The following LUC7L variants were observed in gnomAD, a reference collection of about 807,000 sequenced individuals.
LUC7L encodes the protein LUC7 like.
A neutral mutation model predicts 51.1 loss-of-function variants in LUC7L; 29 were observed. The ratio of observed to expected loss-of-function variants is 0.57; its 90% CI spans 0.42 to 0.77. The LOEUF (loss-of-function observed/expected upper bound fraction) is 0.77, where lower values mean the gene tolerates loss of function less well. Among genes scored for constraint, LUC7L ranks in the 30% least tolerant of loss-of-function variants. The pLI is 0.00. For synonymous variants in LUC7L, 181 were observed against 180.7 expected (o/e 1.00, Z -0.01); for missense variants, 403 against 511.9 (o/e 0.79, Z 2.05).
Position 223,135 on chromosome 16 carries a change from G to A in LUC7L, c.157-2388C>T, listed in dbSNP as rs369423563. Among the ~76,000 whole-genome samples the A allele has an allele frequency of 8.8e-3, 1,333 of 151,034 alleles. 17 individuals carry two copies. The highest frequency in any genetic ancestry group is 0.025 in the African/African-American group (1,039 of 41,216). On this transcript the variant is annotated intron_variant, in intron 2 of 9. Transcript: ENST00000293872. ...AGCACTTTGGGAGGCCGAGGCGGGC[G>A]GATCACGAGGTCAGGAGATCAAGAC...
chr16:218,924 C>CAAA lies in LUC7L; in HGVS notation c.255+1722_255+1724dup, dbSNP rs33981903. 5.1e-4 allele frequency among the ~76,000 whole-genome samples: 20 copies of CAAA among 38,842 alleles called. 2 individuals are homozygous for CAAA. In the South Asian group the frequency reaches 0.016, roughly 32 times the overall value. The allele number at this position is 38,842 out of a possible 152,430, so 25.5% of individuals were successfully genotyped here. ...TGGGCAACATAGTAAAACCCTGTCT[C>CAAA]AAAAAAAAAAAAAAAAAAAAAAAAA... is the stretch of plus-strand genomic sequence containing the variant. On this transcript the variant is annotated intron_variant, in intron 3 of 9. Coordinates refer to ENST00000293872, the MANE Select transcript of LUC7L (RefSeq NM_201412.3).
chr16:228,964 A>T, intron 1 of LUC7L: 1 of 1,420,942 alleles, frequency 7.0e-7, no homozygotes, highest in Non-Finnish European at 9.3e-7. Flanking sequence ...CCCTCCGCCG[A>T]CTCCACAGTT....
intron 5 of LUC7L, among the ~76,000 whole-genome samples, chr16:200,259 A>G (rs996805177): frequency 2.0e-5 from 3 of 151,834 alleles, no homozygotes; most frequent in Admixed American, 2.0e-4. Context: ...CGTCTCTACT[A>G]AAAAAACAGA....
At chr16:217,850 C>T (rs1428554906) in intron 3 of LUC7L, among the ~76,000 whole-genome samples, 1 of 151,760 alleles carries the variant, frequency 6.6e-6, no homozygotes, top group Non-Finnish European at 1.5e-5. Flanking sequence ...ACCAGCCTGA[C>T]CAAAATGGTG....
chr16:216,317 T>A (rs1265227442), intron 3 of LUC7L, among the ~76,000 whole-genome samples: 1 of 151,530 alleles, frequency 6.6e-6, no homozygotes, highest in Non-Finnish European at 1.5e-5. Flanking sequence ...TTACTCTAAT[T>A]CTTTGAGTGA....
chr16:222,710 A>AACC (rs2050007791), intron 2 of LUC7L, among the ~76,000 whole-genome samples: 1 of 150,242 alleles, frequency 6.7e-6, no homozygotes, highest in African/African-American at 2.5e-5. Flanking sequence ...GGCTCACCGC[A>AACC]ACCTCCGCCT....
intron 3 of LUC7L, among the ~76,000 whole-genome samples, chr16:215,520 T>G (rs2142095374): frequency 6.6e-6 from 1 of 151,222 alleles, no homozygotes; most frequent in African/African-American, 2.4e-5. Flanking sequence ...CTTGGGAGGC[T>G]GAGGTAGGAG....
chr16:208,063 G>C lies in LUC7L; in HGVS notation c.366+15C>G, dbSNP rs1488400297. 6.3e-7 allele frequency: 1 copy of C among 1,576,050 alleles called. No homozygotes were observed. The highest frequency in any genetic ancestry group is 1.9e-5 in the Admixed American group (1 of 52,290). ...TTTTAAGAACACACCAGACACCGAA[G>C]CCACCCAAGCATACCTTTGCAGAAA... is the stretch of plus-strand genomic sequence containing the variant. On this transcript the variant is annotated intron_variant, in intron 4 of 9. Coordinates refer to ENST00000293872, the MANE Select transcript of LUC7L (RefSeq NM_201412.3).
intron 4 of LUC7L, 41 bp from the exon 5 acceptor site, chr16:206,188 G>A (rs771652564): frequency 1.4e-5 from 23 of 1,589,066 alleles, no homozygotes; most frequent in Non-Finnish European, 2.0e-5. Context: ...ATCTGAAAAT[G>A]AAAGTGAATG....
At chr16:208,644 G>A (rs2049552577) in intron 3 of LUC7L, 1 of 988,322 alleles carries the variant, frequency 1.0e-6, no homozygotes, top group South Asian at 4.6e-5. Context: ...CATGTTCTGA[G>A]GGTAGGGTCC....
intron 1 of LUC7L, chr16:227,772 A>C: frequency 1.0e-6 from 1 of 1,001,606 alleles, no homozygotes; most frequent in Non-Finnish European, 1.2e-6. Context: ...ATGCAGAGGC[A>C]GTATTTTGCC....
At chr16:217,165 C>G (rs1242522325) in intron 3 of LUC7L, among the ~76,000 whole-genome samples, 3 of 152,004 alleles carry the variant, frequency 2.0e-5, no homozygotes, top group Non-Finnish European at 2.9e-5. Context: ...TAGAGGACAG[C>G]ACCACCATGC....
Position 189,206 on chromosome 16 carries a change from C to T in LUC7L, c.1108G>A (p.Glu370Lys), listed in dbSNP as rs769066587. Residue 370 changes from glutamate (E) to lysine (K), a missense_variant, in exon 10 of 10, where the codon GAG becomes AAG. This residue lies in a region of LUC7L where 206 missense variants were observed against 218.3 expected (regional missense o/e 0.94). Transcript: ENST00000293872. ...GCACCCGGGAGACGGGTTCAGATCT[C>T]GCCGGCCTCCTTCTCTTCTGACCTC... Reference protein sequence around the residue: ...SRRSEEKEAGEI With the variant: ...SRRSEEKEAGKI 24 of 1,613,302 alleles carry T rather than the reference C, an allele frequency of 1.5e-5. No homozygotes were observed. Among genetic ancestry groups the T allele is most frequent in the Middle Eastern group, 1.7e-4 (1 of 6,056 alleles).
chr16:226,626 G>A (rs1012302082), intron 2 of LUC7L, among the ~76,000 whole-genome samples: 2 of 152,138 alleles, frequency 1.3e-5, no homozygotes, highest in African/African-American at 4.8e-5. Context: ...GGAAGAAAAT[G>A]TACCTTGCTA....
chr16:189,476 A>G, intron 9 of LUC7L, 137 bp from the exon 10 acceptor site: 5 of 1,427,270 alleles, frequency 3.5e-6, no homozygotes, highest in Non-Finnish European at 4.6e-6. Flanking sequence ...CCGGAGGCCA[A>G]CCAGACTTGC....
intron 6 of LUC7L, among the ~76,000 whole-genome samples, chr16:194,508 T>A (rs539787290): frequency 3.7e-4 from 57 of 152,314 alleles, no homozygotes; most frequent in Non-Finnish European, 6.9e-4. Context: ...CCCAGATAGG[T>A]AGGAGACTGT....
At chr16:212,407 T>G (rs578209955) in intron 3 of LUC7L, among the ~76,000 whole-genome samples, 45 of 152,236 alleles carry the variant, frequency 3.0e-4, no homozygotes, top group Non-Finnish European at 4.7e-4. Context: ...AGGACCCTTG[T>G]GGTCTGGCTC....
chr16:192,804 T>A, intron 7 of LUC7L, 123 bp downstream of exon 7: 1 of 866,412 alleles, frequency 1.2e-6, no homozygotes, highest in Non-Finnish European at 1.9e-6. Flanking sequence ...GGCCTGGCCT[T>A]ACTATTTTCT....
intron 1 of LUC7L, chr16:228,778 G>A: frequency 2.3e-6 from 3 of 1,284,480 alleles, no homozygotes; most frequent in Non-Finnish European, 3.0e-6. Context: ...AAAGTACTTG[G>A]CAGAAACCCA....
Sources: allele counts gnomAD v4.1 joint callset (sites outside exome capture counted in the v4.1 genomes callset), GRCh38; gene constraint gnomAD v4.1.1; regional missense constraint gnomAD v4.1.1; transcripts MANE v1.5; gene names NCBI Gene and HGNC (gene_info 2026-07-23, HGNC 2026-07-21).